Variants in NLGN1 observed in about 807,000 individuals in gnomAD.
NLGN1 encodes the protein neuroligin-1.
In NLGN1, 12 loss-of-function variants were observed where a neutral mutation model predicts 65.5. The observed-to-expected ratio is 0.18, with a 90% CI of 0.12 to 0.30. The LOEUF is 0.30. Ranked by LOEUF, NLGN1 falls within the 10% of genes least tolerant of loss-of-function variation. The pLI is 1.00. For synonymous variants in NLGN1, 350 were observed against 359.5 expected (o/e 0.97, Z 0.30); for missense variants, 750 against 1,007.1 (o/e 0.74, Z 3.46).
At chr3:174,256,369 CA>C (rs1745764117) in intron 4 of NLGN1, among the ~76,000 whole-genome samples, 1 of 152,148 alleles carries the variant, frequency 6.6e-6, no homozygotes, top group Admixed American at 6.5e-5. Context: ...TTGAAATGTT[CA>C]AAGAAAGCTG....
At chr3:173,850,259 G>T (rs6786270) in intron 4 of NLGN1, among the ~76,000 whole-genome samples, 1 of 152,006 alleles carries the variant, frequency 6.6e-6, no homozygotes, top group Admixed American at 6.6e-5. Context: ...GTGATTATGG[G>T]TATATACGGA....
chr3:173,492,122 CTTTA>C (rs1411990205), intron 2 of NLGN1, among the ~76,000 whole-genome samples: 1 of 151,754 alleles, frequency 6.6e-6, no homozygotes, highest in Admixed American at 6.6e-5. Context: ...AGCCTCAGTT[CTTTA>C]CATAAAATGG....
intron 4 of NLGN1, among the ~76,000 whole-genome samples, chr3:173,959,455 T>C (rs1036136393): frequency 4.6e-5 from 7 of 152,372 alleles, no homozygotes; most frequent in African/African-American, 1.7e-4. Flanking sequence ...ACAATGCTTA[T>C]GTTGATACAT....
intron 2 of NLGN1, among the ~76,000 whole-genome samples, chr3:173,451,790 C>A (rs1478988799): frequency 6.6e-6 from 1 of 152,198 alleles, no homozygotes; most frequent in Non-Finnish European, 1.5e-5. Context: ...TCGCTGCCAC[C>A]TTGCAGTTTG....
chr3:174,233,946 A>G (rs999219014), intron 4 of NLGN1, among the ~76,000 whole-genome samples: 2 of 152,190 alleles, frequency 1.3e-5, no homozygotes, highest in African/African-American at 4.8e-5. Context: ...TGTCTATTAT[A>G]TGTTGACATA....
intron 4 of NLGN1, among the ~76,000 whole-genome samples, chr3:174,082,878 G>T (rs960371405): frequency 6.6e-6 from 1 of 151,804 alleles, no homozygotes; most frequent in Admixed American, 6.6e-5. Context: ...GCACCACCAC[G>T]CCCGGCTAAT....
intron 4 of NLGN1, among the ~76,000 whole-genome samples, chr3:174,170,244 T>G (rs553928188): frequency 6.6e-6 from 1 of 152,334 alleles, no homozygotes; most frequent in Admixed American, 6.5e-5. Flanking sequence ...CTTTTAAGTT[T>G]TGTTCAATTA....
chr3:173,879,807 G>A (rs1318934679), intron 4 of NLGN1, among the ~76,000 whole-genome samples: 2 of 152,040 alleles, frequency 1.3e-5, no homozygotes, highest in Non-Finnish European at 2.9e-5. Context: ...ATGTTTTCTA[G>A]AATTTCTAGT....
At chr3:174,212,727 A>C (rs1736921141) in intron 4 of NLGN1, among the ~76,000 whole-genome samples, 1 of 152,220 alleles carries the variant, frequency 6.6e-6, no homozygotes, top group Non-Finnish European at 1.5e-5. Flanking sequence ...AAGTTATTTT[A>C]TTACAATTGC....
At chr3:173,806,888 C>T (rs570958229) in intron 3 of NLGN1, among the ~76,000 whole-genome samples, 11 of 152,122 alleles carry the variant, frequency 7.2e-5, no homozygotes, top group Non-Finnish European at 1.5e-4. Context: ...TATCCCATCC[C>T]ATGTCTACAT....
At chr3:174,142,924 G>T (rs1246719359) in intron 4 of NLGN1, among the ~76,000 whole-genome samples, 1 of 152,098 alleles carries the variant, frequency 6.6e-6, no homozygotes, top group Non-Finnish European at 1.5e-5. Context: ...ATCTGCTTCT[G>T]GTGAGGCCTC....
At chr3:174,068,154 C>A (rs747196230) in intron 4 of NLGN1, among the ~76,000 whole-genome samples, 3 of 151,612 alleles carry the variant, frequency 2.0e-5, no homozygotes, top group Non-Finnish European at 4.4e-5. Context: ...TAGCAGTAGC[C>A]TTTTAGAGCT....
At chr3:173,723,644 CT>C (rs1771245529) in intron 3 of NLGN1, among the ~76,000 whole-genome samples, 1 of 152,066 alleles carries the variant, frequency 6.6e-6, no homozygotes. Context: ...ATATAAGACA[CT>C]TTTTAATTTT....
intron 4 of NLGN1, among the ~76,000 whole-genome samples, chr3:174,225,058 A>T (rs1467147099): frequency 6.6e-6 from 1 of 152,182 alleles, no homozygotes; most frequent in African/African-American, 2.4e-5. Flanking sequence ...TAGAATGGAA[A>T]AATACAAGTA....
chr3:173,618,356 C>T (rs1399037379), intron 3 of NLGN1, among the ~76,000 whole-genome samples: 1 of 152,032 alleles, frequency 6.6e-6, no homozygotes, highest in African/African-American at 2.4e-5. Flanking sequence ...ACCACCATAC[C>T]TGGCTATTTT....
At chr3:173,405,055 G>T (rs569356018) in intron 1 of NLGN1, among the ~76,000 whole-genome samples, 1 of 152,078 alleles carries the variant, frequency 6.6e-6, no homozygotes, top group South Asian at 2.1e-4. Context: ...ATTAGCTTAA[G>T]AATTTAAAAA....
chr3:174,171,999 A>T (rs905403426), intron 4 of NLGN1, among the ~76,000 whole-genome samples: 6 of 152,134 alleles, frequency 3.9e-5, no homozygotes, highest in African/African-American at 1.4e-4. Flanking sequence ...TAATCCTTAG[A>T]TAGAATTTAG....
chr3:174,250,647 G>A (rs1241158458), intron 4 of NLGN1, among the ~76,000 whole-genome samples: 1 of 152,156 alleles, frequency 6.6e-6, no homozygotes, highest in Non-Finnish European at 1.5e-5. Context: ...AAAGAAGGGA[G>A]AAGGAGGTCA....
At chr3:173,492,018 G>A (rs1371407746) in intron 2 of NLGN1, among the ~76,000 whole-genome samples, 2 of 151,690 alleles carry the variant, frequency 1.3e-5, no homozygotes, top group African/African-American at 2.4e-5. Context: ...CACTGACAAG[G>A]AAGCAAGATA....
Sources: allele counts gnomAD v4.1 joint callset (sites outside exome capture counted in the v4.1 genomes callset), GRCh38; gene constraint gnomAD v4.1.1; transcripts MANE v1.5; gene names NCBI Gene and HGNC (gene_info 2026-07-23, HGNC 2026-07-21).